The following ARHGEF15 variants were observed in gnomAD, a reference collection of about 807,000 sequenced individuals.
ARHGEF15 encodes the protein Rho guanine nucleotide exchange factor (GEF) 15.
Under a neutral mutation model 79.7 loss-of-function variants are expected in ARHGEF15, and 58 were observed. That is an observed-to-expected ratio of 0.73 (90% CI 0.59 to 0.91). The LOEUF (loss-of-function observed/expected upper bound fraction) is 0.91. Among genes scored for constraint, ARHGEF15 ranks in the 40% least tolerant of loss-of-function variants. The pLI is 0.00. For synonymous variants in ARHGEF15, 442 were observed against 456.0 expected, an observed-to-expected ratio of 0.97 and a Z score of 0.39; for missense variants, 1,012 against 1,108.1, an observed-to-expected ratio of 0.91 and a Z score of 1.23.
intron 3 of ARHGEF15, 76 bp from the exon 4 acceptor site, chr17:8,313,425 G>A: frequency 6.4e-6 from 10 of 1,557,078 alleles, no homozygotes; most frequent in African/African-American, 1.4e-5. Context: ...AACCATCCCT[G>A]CTGGGGCTGG....
chr17:8,316,055 G>A lies in ARHGEF15; in HGVS notation c.1611G>A (p.Arg537=), dbSNP rs772815565. The change falls in exon 9 of 16, where the codon CGG becomes CGA. Residue 537 remains arginine (R), a synonymous_variant. Coordinates refer to ENST00000361926, the MANE Select transcript of ARHGEF15 (RefSeq NM_173728.4). ...TGCGCTTCTCCGCCGAGCTGCGCCG[G>A]CTGCAGAGCCTCCCTAAGTGTGAGC... The part of the protein sequence containing the change: ...TNVRFSAELR[R]LQSLPKCERL... 1 of 1,603,544 alleles carries A rather than the reference G, an allele frequency of 6.2e-7. No individual in the cohort carries two copies. The highest frequency in any genetic ancestry group is 1.3e-5 in the African/African-American group (1 of 75,018).
rs773724220 is a variant in ARHGEF15 at position 8,318,721 on chromosome 17, G to T, written c.1873-29G>T. 4.3e-6 allele frequency: 7 copies of T among 1,611,126 alleles called. No individual in the cohort carries two copies. The Admixed American group carries it at 8.4e-5, about 19-fold the overall frequency. ...GCCCCATGTTGCTGCTGCCACGCTA[G>T]AACCTCCTCTGCCTCCGCTTCCTCG... On this transcript the variant is annotated intron_variant, in intron 11 of 15. Transcript: ENST00000361926. The surrounding 1 kb of genome is among the most constrained non-coding windows in gnomAD (Gnocchi z 5.0).
chr17:8,312,883 C>A (rs1211740417), intron 2 of ARHGEF15, 39 bp from the exon 3 acceptor site: 2 of 1,563,462 alleles, frequency 1.3e-6, no homozygotes, highest in Non-Finnish European at 1.7e-6. Context: ...TGGAGCTGGG[C>A]CCCAAGGGCT....
In ARHGEF15 at chr17:8,318,380, T is replaced by C; in HGVS notation, c.1705-7T>C. On this transcript the variant is annotated splice_region_variant and splice_polypyrimidine_tract_variant and intron_variant, in intron 9 of 15. Transcript: ENST00000361926. This position sits in a 1 kb window ranked among gnomAD's most constrained non-coding sequence, Gnocchi z 5.0. The stretch of plus-strand genomic sequence containing the variant: ...GGGGCCCAGTCACCCTTCCTCCTTG[T>C]CCCCAGAATATCCTGCGCCAGACAG... The C allele has an allele frequency of 6.2e-7, 1 of 1,613,222 alleles. No individual in the cohort carries two copies. Among genetic ancestry groups the C allele is most frequent in the South Asian group, 1.1e-5 (1 of 91,032 alleles).
intron 4 of ARHGEF15, among the ~76,000 whole-genome samples, chr17:8,314,452 T>C (rs979921385): frequency 2.0e-5 from 3 of 152,050 alleles, no homozygotes; most frequent in Admixed American, 6.6e-5. Context: ...GTCCATCACG[T>C]TGAGCTTCCT....
chr17:8,321,119 C>G lies in ARHGEF15; in HGVS notation c.*126C>G, dbSNP rs553177905. The G allele has an allele frequency of 5.8e-6, 8 of 1,369,470 alleles. No homozygotes were observed. The East Asian group carries it at 9.4e-5, about 16-fold the overall frequency. The allele number at this position is 1,369,470 out of a possible 1,614,324, so 84.8% of individuals were successfully genotyped here. ...TACCTCTCGTGGCAACCATAGAGAT[C>G]GAGCTTCAGGACAGAGCAGCCAATG... On this transcript the variant is annotated 3_prime_UTR_variant, in exon 16 of 16. Coordinates refer to ENST00000361926, the MANE Select transcript of ARHGEF15 (RefSeq NM_173728.4).
chr17:8,319,522 G>A lies in ARHGEF15; in HGVS notation c.2293G>A (p.Glu765Lys). The A allele has an allele frequency of 1.2e-6, 2 of 1,610,084 alleles. No homozygotes were observed. The highest frequency in any genetic ancestry group is 1.7e-6 in the Non-Finnish European group (2 of 1,178,436). ...DCDCSQELCS[E>K]SSAPAKTEGR... ...AGACTGTTCCCAGGAACTGTGTTCA[G>A]AGTCGTCTGCACCTGCCAAGACTGA... Residue 765 changes from glutamate to lysine, a missense_variant, in exon 15 of 16, where the codon GAG becomes AAG. By Grantham distance (56) the Glu-to-Lys change is moderately conservative (BLOSUM62 1). Coordinates refer to ENST00000361926, the MANE Select transcript of ARHGEF15 (RefSeq NM_173728.4).
Position 8,314,899 on chromosome 17 carries a change from T to C in ARHGEF15, c.990-7T>C. ...CTGGGGACTTCCTTCCCTTTCTTTC[T>C]CCACAGGGAAGAGGAGGGGCTAGAG... On this transcript the variant is annotated splice_region_variant and splice_polypyrimidine_tract_variant and intron_variant, in intron 4 of 15. Coordinates refer to ENST00000361926, the MANE Select transcript of ARHGEF15 (RefSeq NM_173728.4). 1 of 1,613,732 alleles carries C rather than the reference T, an allele frequency of 6.2e-7. No individual in the cohort carries two copies. Among genetic ancestry groups the C allele is most frequent in the South Asian group, 1.1e-5 (1 of 91,012 alleles).
intron 13 of ARHGEF15, 59 bp downstream of exon 13, chr17:8,319,218 C>A (rs1380834972): frequency 2.5e-6 from 4 of 1,605,918 alleles, no homozygotes; most frequent in South Asian, 1.1e-5. Context: ...TCTCAGACCT[C>A]CCCCACTTCC....
In ARHGEF15 at chr17:8,318,676, C is replaced by T. The variant is rs1316584148; in HGVS notation, c.1872+14C>T. 3 of 1,611,076 alleles carry T rather than the reference C, an allele frequency of 1.9e-6. No homozygotes were observed. The highest frequency in any genetic ancestry group is 3.3e-4 in the Middle Eastern group (2 of 6,050). On this transcript the variant is annotated intron_variant, in intron 11 of 15. Transcript: ENST00000361926. The surrounding 1 kb of genome is among the most constrained non-coding windows in gnomAD (Gnocchi z 5.0). The stretch of plus-strand genomic sequence containing the variant: ...CACAAAGTCAAGGTACATCGCTGCC[C>T]AGGCTCCCCATCTTGCCCTGCCCCA...
In ARHGEF15 at chr17:8,318,587, C is replaced by T. The variant is rs1160075835; in HGVS notation, c.1797C>T (p.Ser599=). Residue 599 remains serine (S), a synonymous_variant, in exon 11 of 16, where the codon AGC becomes AGT. Transcript: ENST00000361926. This position sits in a 1 kb window ranked among gnomAD's most constrained non-coding sequence, Gnocchi z 5.0. ...GAVSKIIERC[S]AEVGRMKQTE... The stretch of plus-strand genomic sequence containing the variant: ...TTACCTAGATCATCGAGCGTTGCAG[C>T]GCTGAGGTGGGGCGCATGAAGCAGA... The T allele has an allele frequency of 4.3e-6, 7 of 1,613,648 alleles. No individual in the cohort carries two copies. The highest frequency in any genetic ancestry group is 1.1e-5 in the South Asian group (1 of 91,058).
chr17:8,317,772 A>G (rs898750248), intron 9 of ARHGEF15, among the ~76,000 whole-genome samples: 2 of 152,186 alleles, frequency 1.3e-5, no homozygotes, highest in African/African-American at 4.8e-5. Flanking sequence ...TATTAAAATA[A>G]TAGGAACCTT....
At position 8,318,979 on chromosome 17, in the gene ARHGEF15, C is replaced by G. The variant is rs763008859; in HGVS notation, c.2034-28C>G. 8.1e-6 allele frequency: 13 copies of G among 1,610,888 alleles called. No homozygotes were observed. Among genetic ancestry groups the G allele is most frequent in the Non-Finnish European group, 1.0e-5 (12 of 1,178,694 alleles). On this transcript the variant is annotated intron_variant, in intron 12 of 15. Transcript: ENST00000361926. This position sits in a 1 kb window ranked among gnomAD's most constrained non-coding sequence, Gnocchi z 5.0. ...AGGGGTCCAGCGGGACCCCTGCTGTCCTTCTGAACGACCTCATCCCTGGGC... is the reference window on the plus strand; with the variant it reads ...AGGGGTCCAGCGGGACCCCTGCTGTGCTTCTGAACGACCTCATCCCTGGGC...
rs1330762596 is a variant in ARHGEF15, at chr17:8,318,669, C to T, written c.1872+7C>T. ...GCGCTTCCACAAAGTCAAGGTACAT[C>T]GCTGCCCAGGCTCCCCATCTTGCCC... On this transcript the variant is annotated splice_region_variant and intron_variant, in intron 11 of 15. Transcript: ENST00000361926. The surrounding 1 kb of genome is among the most constrained non-coding windows in gnomAD (Gnocchi z 5.0). The T allele has an allele frequency of 5.6e-6, 9 of 1,611,864 alleles. No homozygotes were observed. The highest frequency in any genetic ancestry group is 7.6e-6 in the Non-Finnish European group (9 of 1,178,618).
intron 13 of ARHGEF15, 35 bp downstream of exon 13, chr17:8,319,194 A>G: frequency 6.2e-7 from 1 of 1,611,038 alleles, no homozygotes; most frequent in Non-Finnish European, 8.5e-7. Context: ...CAACCTTGGG[A>G]CACTTATCTG....
At position 8,316,112 on chromosome 17, in the gene ARHGEF15, C is replaced by T. The variant is rs978576429; in HGVS notation, c.1668C>T (p.Pro556=). 1 of 1,603,570 alleles carries T rather than the reference C, an allele frequency of 6.2e-7. No individual in the cohort carries two copies. The highest frequency in any genetic ancestry group is 1.3e-5 in the African/African-American group (1 of 75,014). Residue 556 remains proline (P), a synonymous_variant, in exon 9 of 16, where the codon CCC becomes CCT. Coordinates refer to ENST00000361926, the MANE Select transcript of ARHGEF15 (RefSeq NM_173728.4). ...RLPLPSFLLL[P]FQRITRLRML... ...CGCTGCCGTCCTTCCTGCTACTGCC[C>T]TTCCAGCGCATCACCCGGCTGCGCA...
chr17:8,318,537 C>A lies in ARHGEF15; in HGVS notation c.1780-33C>A. 2 of 1,612,218 alleles carry A rather than the reference C, an allele frequency of 1.2e-6. No individual in the cohort carries two copies. The highest frequency in any genetic ancestry group is 1.7e-6 in the Non-Finnish European group (2 of 1,178,806). ...AAATGGTAGGGAGCAGGGGGCTGGC[C>A]GCTGGGGTGGTGACACAGCTCCCCT... On this transcript the variant is annotated intron_variant, in intron 10 of 15. Transcript: ENST00000361926. This position sits in a 1 kb window ranked among gnomAD's most constrained non-coding sequence, Gnocchi z 5.0.
intron 13 of ARHGEF15, 49 bp downstream of exon 13, chr17:8,319,208 T>C: frequency 6.2e-7 from 1 of 1,607,514 alleles, no homozygotes; most frequent in Non-Finnish European, 8.5e-7. Context: ...TTATCTGACC[T>C]CTCAGACCTC....
intron 9 of ARHGEF15, among the ~76,000 whole-genome samples, chr17:8,316,902 C>T (rs1905061737): frequency 6.6e-6 from 1 of 152,292 alleles, no homozygotes; most frequent in South Asian, 2.1e-4. Flanking sequence ...CCTGCCTCAG[C>T]CTCCTGAGTA....
Sources: gnomAD v4.1 joint callset for allele counts (sites outside exome capture counted in the v4.1 genomes callset) on GRCh38, gnomAD v4.1.1 for gene constraint, Gnocchi (gnomAD v3.1) non-coding constraint, MANE v1.5 for transcripts, NCBI Gene and HGNC (gene_info 2026-07-23, HGNC 2026-07-21) for gene names.